CCSER1: variants seen among roughly 807,000 people sequenced by gnomAD.
CCSER1 encodes the protein coiled-coil serine rich protein 1.
CCSER1 carries 41 observed loss-of-function variants against 82.0 expected under a neutral mutation model. The ratio of observed to expected loss-of-function variants is 0.50; its 90% CI spans 0.39 to 0.65. The LOEUF (loss-of-function observed/expected upper bound fraction) is 0.65, where lower values mean the gene tolerates loss of function less well. Ranked by LOEUF, CCSER1 falls within the 30% of genes least tolerant of loss-of-function variation. The pLI is 0.00. For missense variants in CCSER1, 1,119 were observed against 1,064.2 expected, an observed-to-expected ratio of 1.05 and a Z score of -0.72; for synonymous variants, 414 against 383.9, an observed-to-expected ratio of 1.08 and a Z score of -0.92.
intron 8 of CCSER1, among the ~76,000 whole-genome samples, chr4:90,836,927 C>T (rs1333616547): frequency 1.3e-5 from 2 of 152,170 alleles, no homozygotes; most frequent in Non-Finnish European, 2.9e-5. Flanking sequence ...CAAAAATGTA[C>T]CAGTGTGGCA....
chr4:90,580,388 A>G (rs1019633967), intron 5 of CCSER1, among the ~76,000 whole-genome samples: 2 of 152,156 alleles, frequency 1.3e-5, no homozygotes, highest in Non-Finnish European at 2.9e-5. Context: ...CTTAGTGTTC[A>G]GGGTTTTTAT....
intron 10 of CCSER1, among the ~76,000 whole-genome samples, chr4:91,297,000 T>A (rs1312229580): frequency 6.6e-6 from 1 of 151,788 alleles, no homozygotes; most frequent in Non-Finnish European, 1.5e-5. Flanking sequence ...GACAAGATAT[T>A]GCCAGCAATC....
At chr4:90,205,580 C>A (rs550202915) in intron 1 of CCSER1, among the ~76,000 whole-genome samples, 1 of 152,150 alleles carries the variant, frequency 6.6e-6, no homozygotes, top group Non-Finnish European at 1.5e-5. Context: ...TTTTTGATGT[C>A]CTGCTGGATT....
At position 91,242,015 on chromosome 4, in the gene CCSER1, G is replaced by T. The variant is rs539646217; in HGVS notation, c.2217+156021G>T. On this transcript the variant is annotated intron_variant, in intron 10 of 10. Transcript: ENST00000509176. ...ATATATGTATGCAATTTTACATTTTGGTAAATGACAAAAGAAAAACAACAA... is the reference window on the plus strand; with the variant it reads ...ATATATGTATGCAATTTTACATTTTTGTAAATGACAAAAGAAAAACAACAA... Among the ~76,000 whole-genome samples the T allele has an allele frequency of 7.3e-5, 11 of 151,708 alleles. No individual in the cohort carries two copies. In the East Asian group the frequency reaches 1.9e-3, roughly 27 times the overall value.
chr4:90,599,919 C>T (rs978489630), intron 5 of CCSER1, among the ~76,000 whole-genome samples: 8 of 152,180 alleles, frequency 5.3e-5, no homozygotes, highest in Admixed American at 3.3e-4. Flanking sequence ...AGTTTTCTGT[C>T]ACTAAACACT....
At chr4:91,247,658 A>G (rs1739902106) in intron 10 of CCSER1, among the ~76,000 whole-genome samples, 1 of 152,132 alleles carries the variant, frequency 6.6e-6, no homozygotes, top group South Asian at 2.1e-4. Context: ...ACTTGAGGCC[A>G]GGAGTTCGAG....
At chr4:90,315,867 G>C (rs1736080842) in intron 3 of CCSER1, among the ~76,000 whole-genome samples, 2 of 152,196 alleles carry the variant, frequency 1.3e-5, no homozygotes, top group Admixed American at 1.3e-4. Flanking sequence ...TTGTAGCACT[G>C]TAAGGAAGAA....
chr4:90,232,255 G>C (rs1337014233), intron 1 of CCSER1, among the ~76,000 whole-genome samples: 1 of 151,426 alleles, frequency 6.6e-6, no homozygotes, highest in Non-Finnish European at 1.5e-5. Context: ...AAACAGCATG[G>C]TACCGGTACC....
chr4:91,235,016 G>T (rs1738897133), intron 10 of CCSER1, among the ~76,000 whole-genome samples: 2 of 151,794 alleles, frequency 1.3e-5, no homozygotes. Context: ...TTTGAATCTT[G>T]GTTCCGTCCT....
chr4:90,580,024 G>T (rs888746686), intron 5 of CCSER1, among the ~76,000 whole-genome samples: 11 of 152,104 alleles, frequency 7.2e-5, no homozygotes, highest in African/African-American at 2.2e-4. Flanking sequence ...CATCTTAGCG[G>T]TTCTTAGAAA....
At chr4:90,365,916 G>A (rs1578131793) in intron 3 of CCSER1, among the ~76,000 whole-genome samples, 2 of 151,768 alleles carry the variant, frequency 1.3e-5, no homozygotes, top group Non-Finnish European at 3.0e-5. Context: ...GCATATTATT[G>A]TAAAATTAAT....
intron 10 of CCSER1, among the ~76,000 whole-genome samples, chr4:91,370,115 C>T (rs974519682): frequency 2.1e-4 from 32 of 152,058 alleles, no homozygotes; most frequent in African/African-American, 6.0e-4. Flanking sequence ...GCTAACAAGT[C>T]TATTTAATTT....
chr4:91,358,867 G>T (rs575733331), intron 10 of CCSER1, among the ~76,000 whole-genome samples: 85 of 152,146 alleles, frequency 5.6e-4, no homozygotes, highest in Non-Finnish European at 8.7e-4. Context: ...TCCCCCTCAG[G>T]GATGCTCCAC....
intron 6 of CCSER1, among the ~76,000 whole-genome samples, chr4:90,700,161 C>G (rs143511964): frequency 6.6e-6 from 1 of 152,110 alleles, no homozygotes; most frequent in Admixed American, 6.5e-5. Flanking sequence ...CAACAGGCCC[C>G]GGTGTGTAAT....
chr4:90,730,458 C>T (rs1343965224), intron 7 of CCSER1, among the ~76,000 whole-genome samples: 1 of 152,180 alleles, frequency 6.6e-6, no homozygotes, highest in Non-Finnish European at 1.5e-5. Flanking sequence ...CAAGTACCTA[C>T]CATGTTCTTA....
intron 5 of CCSER1, among the ~76,000 whole-genome samples, chr4:90,615,136 C>T (rs1720941787): frequency 6.6e-6 from 1 of 151,406 alleles, no homozygotes. Context: ...ACTGTTGAAA[C>T]CTACTGCTCA....
intron 10 of CCSER1, among the ~76,000 whole-genome samples, chr4:91,310,750 A>G (rs1203332451): frequency 6.6e-6 from 1 of 151,964 alleles, no homozygotes; most frequent in East Asian, 2.0e-4. Context: ...CTTGAAATAA[A>G]AGTCTAATCT....
chr4:90,727,949 A>C (rs1440791097), intron 7 of CCSER1, among the ~76,000 whole-genome samples: 1 of 152,138 alleles, frequency 6.6e-6, no homozygotes, highest in Non-Finnish European at 1.5e-5. Flanking sequence ...GGAAAAAAAA[A>C]CTTCTATTCT....
At chr4:91,327,033 A>C (rs1746615904) in intron 10 of CCSER1, among the ~76,000 whole-genome samples, 1 of 152,180 alleles carries the variant, frequency 6.6e-6, no homozygotes, top group African/African-American at 2.4e-5. Context: ...GAGTGCCTGC[A>C]ACAGTTCCAG....
Sources: allele counts gnomAD v4.1 joint callset (sites outside exome capture counted in the v4.1 genomes callset), GRCh38; gene constraint gnomAD v4.1.1; transcripts MANE v1.5; gene names NCBI Gene and HGNC (gene_info 2026-07-23, HGNC 2026-07-21).